BCLAF1: variants seen among roughly 807,000 people sequenced by gnomAD.
BCLAF1 encodes the protein BCL2 associated transcription factor 1.
In BCLAF1, 10 loss-of-function variants were observed where a neutral mutation model predicts 99.5. The observed-to-expected ratio is 0.10, with a 90% CI of 0.06 to 0.17. BCLAF1 has a LOEUF of 0.17. Ranked by LOEUF, BCLAF1 falls within the 10% of genes least tolerant of loss-of-function variation. The pLI is 1.00. For missense variants in BCLAF1, 636 were observed against 1,105.8 expected (o/e 0.58, Z 6.02); for synonymous variants, 255 against 370.9 (o/e 0.69, Z 3.59).
chr6:136,280,695 T>C (rs1159385840), intron 2 of BCLAF1, among the ~76,000 whole-genome samples: 2 of 152,088 alleles, frequency 1.3e-5, no homozygotes, highest in African/African-American at 4.8e-5. Flanking sequence ...GGTACAGAAA[T>C]CAGTAACTGT....
intron 9 of BCLAF1, 160 bp downstream of exon 9, chr6:136,269,277 G>T: frequency 6.6e-7 from 1 of 1,517,068 alleles, no homozygotes; most frequent in Non-Finnish European, 8.8e-7. Flanking sequence ...TCCACCATAA[G>T]CCGTGTAAAA....
intron 8 of BCLAF1, 103 bp from the exon 9 acceptor site, chr6:136,269,715 T>A (rs1782246792): frequency 1.2e-6 from 1 of 834,802 alleles, no homozygotes; most frequent in Admixed American, 3.7e-5. Context: ...TAAACTGGCA[T>A]TTTAGTATCA....
chr6:136,273,228 A>C (rs764628930), intron 6 of BCLAF1, 41 bp from the exon 7 acceptor site: 2 of 1,538,456 alleles, frequency 1.3e-6, no homozygotes, highest in South Asian at 2.3e-5. Flanking sequence ...AGTTAACTTT[A>C]CTTTAAGAGA....
rs1323180425 is a variant in BCLAF1 at position 136,258,247 on chromosome 6, T to C, written c.*2863A>G. Reference sequence around the variant, plus strand: ...TTAGAAAGAGAAGTAATCACCATATTATGGGTGATAAGGTCCCAGATTAAC... The same window carrying C: ...TTAGAAAGAGAAGTAATCACCATATCATGGGTGATAAGGTCCCAGATTAAC... On this transcript the variant is annotated 3_prime_UTR_variant, in exon 13 of 13. Coordinates refer to ENST00000531224, the MANE Select transcript of BCLAF1 (RefSeq NM_014739.3). The C allele has an allele frequency of 6.6e-6, 1 of 152,098 alleles. No homozygotes were observed. The allele number at this position is 152,098 out of a possible 1,614,324, so 9.4% of individuals were successfully genotyped here.
intron 1 of BCLAF1, among the ~76,000 whole-genome samples, chr6:136,286,369 G>C (rs925742602): frequency 2.0e-5 from 3 of 152,164 alleles, no homozygotes; most frequent in Non-Finnish European, 4.4e-5. Flanking sequence ...CACTGAACAA[G>C]TTACCTTCAT....
At chr6:136,268,514 ATG>A (rs1202456075) in intron 9 of BCLAF1, 175 bp from the exon 10 acceptor site, 2 of 629,322 alleles carry the variant, frequency 3.2e-6, no homozygotes, top group East Asian at 2.9e-5. Flanking sequence ...CTCCTTCAAT[ATG>A]TGTTTTACAT....
chr6:136,271,071 C>T (rs1378441298), intron 8 of BCLAF1, among the ~76,000 whole-genome samples: 1 of 151,718 alleles, frequency 6.6e-6, no homozygotes, highest in Non-Finnish European at 1.5e-5. Flanking sequence ...TTGTATACTA[C>T]CACTGTCCAT....
At position 136,260,941 on chromosome 6, in the gene BCLAF1, C is replaced by T; in HGVS notation, c.*169G>A. 2 of 621,108 alleles carry T rather than the reference C, an allele frequency of 3.2e-6. No homozygotes were observed. Among genetic ancestry groups the T allele is most frequent in the Non-Finnish European group, 5.3e-6 (2 of 375,036 alleles). The allele number at this position is 621,108 out of a possible 1,614,324, so 38.5% of individuals were successfully genotyped here. ...TTATTTCAGTACAATTTTCAACATA[C>T]AGTCTACTATTTCTCAAGATATTTG... On this transcript the variant is annotated 3_prime_UTR_variant, in exon 13 of 13. Transcript: ENST00000531224.
chr6:136,269,477 G>A lies in BCLAF1; in HGVS notation c.2179C>T (p.Pro727Ser), dbSNP rs532542866. 1.2e-6 allele frequency: 2 copies of A among 1,610,776 alleles called. No homozygotes were observed. The highest frequency in any genetic ancestry group is 3.4e-5 in the Admixed American group (2 of 59,470). ...GATTTGTATTCCTTGTAATCTTTTG[G>A]AGTTTTTTCCTGCTTTCTTGATCCA... Reference protein sequence around the residue: ...SSGSRKQEKTPKDYKEYKSYK... With the variant: ...SSGSRKQEKTSKDYKEYKSYK... The change falls in exon 9 of 13, where the codon CCA becomes TCA. Residue 727 changes from proline to serine, a missense_variant. Pro to Ser is a moderately conservative substitution (Grantham distance 74). Coordinates refer to ENST00000531224, the MANE Select transcript of BCLAF1 (RefSeq NM_014739.3).
At chr6:136,267,282 A>T (rs1781838533) in intron 10 of BCLAF1, 107 bp from the exon 11 acceptor site, 7 of 1,262,856 alleles carry the variant, frequency 5.5e-6, no homozygotes, top group Non-Finnish European at 7.6e-6. Context: ...CTAATTTCCT[A>T]TCTAAATCTC....
intron 6 of BCLAF1, among the ~76,000 whole-genome samples, chr6:136,275,055 C>T (rs560293874): frequency 6.6e-5 from 10 of 151,782 alleles, no homozygotes; most frequent in Non-Finnish European, 1.3e-4. Flanking sequence ...AAAAATTAAG[C>T]GCAAAAAAAG....
At chr6:136,276,854 C>T (rs1461380454) in intron 4 of BCLAF1, among the ~76,000 whole-genome samples, 1 of 152,120 alleles carries the variant, frequency 6.6e-6, no homozygotes, top group Non-Finnish European at 1.5e-5. Context: ...ATAGATAATA[C>T]ATTGTTAGAA....
intron 1 of BCLAF1, among the ~76,000 whole-genome samples, chr6:136,286,366 C>G (rs181824158): frequency 3.9e-5 from 6 of 152,338 alleles, no homozygotes; most frequent in African/African-American, 1.4e-4. Context: ...CAACACTGAA[C>G]AAGTTACCTT....
At chr6:136,277,493 G>C (rs552263601) in intron 4 of BCLAF1, among the ~76,000 whole-genome samples, 1 of 152,138 alleles carries the variant, frequency 6.6e-6, no homozygotes, top group Non-Finnish European at 1.5e-5. Context: ...GACCGAAAAT[G>C]GTAAAATTAA....
At chr6:136,280,805 T>C (rs1562263152) in intron 2 of BCLAF1, among the ~76,000 whole-genome samples, 1 of 151,374 alleles carries the variant, frequency 6.6e-6, no homozygotes, top group African/African-American at 2.5e-5. Context: ...AACTTTTCAA[T>C]GATTAGATTA....
intron 4 of BCLAF1, among the ~76,000 whole-genome samples, chr6:136,277,564 C>T (rs1169318612): frequency 6.6e-6 from 1 of 152,090 alleles, no homozygotes; most frequent in African/African-American, 2.4e-5. Context: ...CTTGCTCTAT[C>T]GCCCAGGCTG....
At position 136,269,535 on chromosome 6, in the gene BCLAF1, T is replaced by C. The variant is rs1313741403; in HGVS notation, c.2121A>G (p.Glu707=). 3.7e-6 allele frequency: 6 copies of C among 1,612,386 alleles called. No individual in the cohort carries two copies. The highest frequency in any genetic ancestry group is 4.2e-6 in the Non-Finnish European group (5 of 1,179,044). The change falls in exon 9 of 13, where the codon GAA becomes GAG. Residue 707 remains glutamate, a synonymous_variant. Coordinates refer to ENST00000531224, the MANE Select transcript of BCLAF1 (RefSeq NM_014739.3). ...IDRRRKERSK[E]RGDSKGSRES... The stretch of plus-strand genomic sequence containing the variant: ...CCCTGGAGCCCTTGGAATCTCCCCG[T>C]TCTTTACTTCTTTCTTTTCTACGGC...
intron 11 of BCLAF1, among the ~76,000 whole-genome samples, chr6:136,265,170 A>G (rs1027979890): frequency 3.3e-5 from 5 of 151,998 alleles, no homozygotes; most frequent in African/African-American, 9.7e-5. Flanking sequence ...CTCACTTTTC[A>G]CCCCACCTTT....
chr6:136,263,719 T>C (rs1781340710), intron 11 of BCLAF1, among the ~76,000 whole-genome samples: 1 of 152,026 alleles, frequency 6.6e-6, no homozygotes, highest in Non-Finnish European at 1.5e-5. Context: ...CCACCAACGA[T>C]TTTCTCTTCC....
Sources: gnomAD v4.1 joint callset for allele counts (sites outside exome capture counted in the v4.1 genomes callset) on GRCh38, gnomAD v4.1.1 for gene constraint, MANE v1.5 for transcripts, NCBI Gene and HGNC (gene_info 2026-07-23, HGNC 2026-07-21) for gene names.